CPNE4: variants seen among roughly 807,000 people sequenced by gnomAD.
The protein encoded by CPNE4 is copine 4.
CPNE4 carries 25 observed loss-of-function variants against 67.9 expected under a neutral mutation model. The observed-to-expected ratio is 0.37, with a 90% CI of 0.27 to 0.51. The LOEUF (loss-of-function observed/expected upper bound fraction) is 0.51, where lower values mean the gene tolerates loss of function less well. CPNE4 is among the 20% of genes least tolerant of loss of function. CPNE4 has a pLI of 0.93. For missense variants in CPNE4, 464 were observed against 690.8 expected (o/e 0.67, Z 3.68); for synonymous variants, 242 against 244.9 (o/e 0.99, Z 0.11).
At chr3:131,612,134 G>A (rs940177160) in intron 7 of CPNE4, among the ~76,000 whole-genome samples, 1 of 151,848 alleles carries the variant, frequency 6.6e-6, no homozygotes, top group African/African-American at 2.4e-5. Context: ...AGCACTTTGG[G>A]AGGCCAAGGC....
At chr3:131,876,641 C>CAAAA (rs61625119) in intron 2 of CPNE4, among the ~76,000 whole-genome samples, 3 of 101,642 alleles carry the variant, frequency 3.0e-5, no homozygotes, top group African/African-American at 4.2e-5. Context: ...GACTCCGTCT[C>CAAAA]AAAAAAAAAA....
chr3:131,563,927 A>G (rs1489020465), intron 11 of CPNE4, among the ~76,000 whole-genome samples: 1 of 152,058 alleles, frequency 6.6e-6, no homozygotes, highest in Non-Finnish European at 1.5e-5. Context: ...GTGCATAAGC[A>G]ATTTTGAGTA....
At chr3:131,756,387 C>T (rs1430166745) in intron 2 of CPNE4, among the ~76,000 whole-genome samples, 2 of 152,176 alleles carry the variant, frequency 1.3e-5, no homozygotes, top group African/African-American at 4.8e-5. Flanking sequence ...AGGAGTCTGC[C>T]TGGATAGATA....
intron 7 of CPNE4, among the ~76,000 whole-genome samples, chr3:131,667,829 C>T (rs1392445603): frequency 6.6e-6 from 1 of 152,058 alleles, no homozygotes; most frequent in African/African-American, 2.4e-5. Flanking sequence ...TTATCCTCCT[C>T]ATAAAAAGTT....
chr3:131,832,026 CAAAATACTCTCTGT>C (rs2085390879), intron 2 of CPNE4, among the ~76,000 whole-genome samples: 1 of 152,112 alleles, frequency 6.6e-6, no homozygotes, highest in African/African-American at 2.4e-5. Flanking sequence ...TTTTAATGAC[CAAAATACTCTCTGT>C]TCATTCAGGT....
At chr3:131,634,530 A>G (rs1286605512) in intron 7 of CPNE4, among the ~76,000 whole-genome samples, 1 of 152,160 alleles carries the variant, frequency 6.6e-6, no homozygotes, top group Non-Finnish European at 1.5e-5. Flanking sequence ...GAGGCCAGTA[A>G]TATCCAGTAA....
chr3:131,644,987 G>A (rs1281404162), intron 7 of CPNE4, among the ~76,000 whole-genome samples: 3 of 152,204 alleles, frequency 2.0e-5, no homozygotes, highest in Non-Finnish European at 4.4e-5. Flanking sequence ...AAAAGCTTCT[G>A]ATGAACTGGA....
intron 2 of CPNE4, among the ~76,000 whole-genome samples, chr3:131,778,497 C>G (rs1327995589): frequency 6.6e-6 from 1 of 152,088 alleles, no homozygotes; most frequent in Non-Finnish European, 1.5e-5. Context: ...ATTACCACCA[C>G]AGGAAACACA....
intron 1 of CPNE4, among the ~76,000 whole-genome samples, chr3:131,928,307 TC>T (rs779254058): frequency 8.1e-6 from 1 of 123,316 alleles, no homozygotes; most frequent in Non-Finnish European, 1.8e-5. Context: ...TTTACAACAG[TC>T]CTCTTTTCTT....
chr3:131,742,127 C>T (rs183205070), intron 2 of CPNE4, among the ~76,000 whole-genome samples: 3 of 152,208 alleles, frequency 2.0e-5, no homozygotes, highest in South Asian at 2.1e-4. Flanking sequence ...TGAATGTGTC[C>T]GTGAAGGTAT....
intron 3 of CPNE4, among the ~76,000 whole-genome samples, chr3:131,716,450 G>A (rs1376201708): frequency 6.6e-6 from 1 of 152,142 alleles, no homozygotes; most frequent in Non-Finnish European, 1.5e-5. Context: ...GTGTACGTGT[G>A]TGTACACACA....
At chr3:131,764,964 T>A (rs2082973853) in intron 2 of CPNE4, among the ~76,000 whole-genome samples, 1 of 152,126 alleles carries the variant, frequency 6.6e-6, no homozygotes, top group Non-Finnish European at 1.5e-5. Flanking sequence ...AGAATAGATC[T>A]AAATCCAGGA....
intron 1 of CPNE4, among the ~76,000 whole-genome samples, chr3:131,941,504 A>G (rs2071386261): frequency 6.6e-6 from 1 of 152,030 alleles, no homozygotes; most frequent in Non-Finnish European, 1.5e-5. Context: ...GCACACTACT[A>G]TGAAATACAG....
intron 1 of CPNE4, among the ~76,000 whole-genome samples, chr3:131,934,232 C>A (rs1441642131): frequency 1.3e-5 from 2 of 151,974 alleles, no homozygotes; most frequent in African/African-American, 2.4e-5. Context: ...TTAACAAGAT[C>A]AGTTTAGGTG....
chr3:131,833,957 T>C (rs1246809365), intron 2 of CPNE4, among the ~76,000 whole-genome samples: 1 of 152,220 alleles, frequency 6.6e-6, no homozygotes, highest in African/African-American at 2.4e-5. Context: ...TATGTCTTTA[T>C]ATTTATATAG....
Position 131,974,929 on chromosome 3 carries a change from G to A in CPNE4, c.-2+59638C>T, listed in dbSNP as rs1203993534. 3.3e-5 allele frequency among the ~76,000 whole-genome samples: 5 copies of A among 152,190 alleles called. No homozygotes were observed. The East Asian group carries it at 9.7e-4, about 29-fold the overall frequency. On this transcript the variant is annotated intron_variant, in intron 1 of 15. Transcript: ENST00000429747. Reference sequence around the variant, plus strand: ...AGGCTGAGGGGGGAGGATGGCTTGAGCCTGGGAGGTGGAGGTTCCCATGAG... The same window carrying A: ...AGGCTGAGGGGGGAGGATGGCTTGAACCTGGGAGGTGGAGGTTCCCATGAG...
At chr3:131,646,735 A>AAAATTAAAAACAAAAATTAAAAATT (rs1029090509) in intron 7 of CPNE4, among the ~76,000 whole-genome samples, 2 of 152,220 alleles carry the variant, frequency 1.3e-5, no homozygotes, top group African/African-American at 4.8e-5. Flanking sequence ...ATAGCCACAA[A>AAAATTAAAAACAAAAATTAAAAATT]AAATTAAAAA....
At position 131,828,682 on chromosome 3, in the gene CPNE4, T is replaced by C. The variant is rs371889192; in HGVS notation, c.180+76582A>G. On this transcript the variant is annotated intron_variant, in intron 2 of 15. Coordinates refer to ENST00000429747, the MANE Select transcript of CPNE4 (RefSeq NM_130808.3). The stretch of plus-strand genomic sequence containing the variant: ...ACTGTTGAGTTCACACATTGTATTC[T>C]TGAACTCTTATTTTGACTTATTTCT... Among the ~76,000 whole-genome samples, 34 of 152,302 alleles carry C rather than the reference T, an allele frequency of 2.2e-4. 1 individual carries two copies. Among genetic ancestry groups the C allele is most frequent in the African/African-American group, 8.2e-4 (34 of 41,568 alleles).
At chr3:131,774,158 G>C (rs996059614) in intron 2 of CPNE4, among the ~76,000 whole-genome samples, 1 of 152,034 alleles carries the variant, frequency 6.6e-6, no homozygotes, top group Admixed American at 6.6e-5. Flanking sequence ...CAGCAGGCAG[G>C]GTCCTCATAG....
Sources: gnomAD v4.1 joint callset for allele counts (sites outside exome capture counted in the v4.1 genomes callset) on GRCh38, gnomAD v4.1.1 for gene constraint, MANE v1.5 for transcripts, NCBI Gene and HGNC (gene_info 2026-07-23, HGNC 2026-07-21) for gene names.